Variants in ELOVL6 observed in about 807,000 individuals in gnomAD.
The protein encoded by ELOVL6 is ELOVL fatty acid elongase 6, also known as very long chain fatty acid elongase 6.
Under a neutral mutation model 31.7 loss-of-function variants are expected in ELOVL6, and 8 were observed. That is an observed-to-expected ratio of 0.25 (90% CI 0.15 to 0.45). The LOEUF (loss-of-function observed/expected upper bound fraction) is 0.45. ELOVL6 is among the 20% of genes least tolerant of loss of function. The pLI, the probability that ELOVL6 is intolerant of heterozygous loss-of-function variation, is 1.00. For synonymous variants in ELOVL6, 101 were observed against 117.7 expected, an observed-to-expected ratio of 0.86 and a Z score of 0.92; for missense variants, 126 against 326.4, an observed-to-expected ratio of 0.39 and a Z score of 4.73.
chr4:110,177,335 G>T (rs113363281), intron 1 of ELOVL6, among the ~76,000 whole-genome samples: 72 of 152,230 alleles, frequency 4.7e-4, no homozygotes, highest in African/African-American at 1.5e-3. Context: ...TACTTGGGAG[G>T]CTAAGATAGG....
intron 2 of ELOVL6, among the ~76,000 whole-genome samples, chr4:110,083,801 A>G (rs1438842523): frequency 6.7e-6 from 1 of 150,292 alleles, no homozygotes; most frequent in Non-Finnish European, 1.5e-5. Context: ...AACAATGGGC[A>G]TAAGAGAAGC....
chr4:110,057,621 C>T (rs1376343565), intron 3 of ELOVL6, among the ~76,000 whole-genome samples: 3 of 151,852 alleles, frequency 2.0e-5, no homozygotes, highest in Admixed American at 1.3e-4. Context: ...GAGGCCGAGG[C>T]GGGCTGATTA....
Position 110,084,337 on chromosome 4 carries a change from CATATATG to C in ELOVL6, c.221+21153_221+21159del, listed in dbSNP as rs1412186732. Among the ~76,000 whole-genome samples the C allele has an allele frequency of 2.5e-3, 164 of 64,946 alleles. 19 individuals carry two copies. The highest frequency in any genetic ancestry group is 5.3e-3 in the African/African-American group (51 of 9,634). 42.6% of individuals were successfully genotyped at this position (64,946 alleles called of 152,430 possible). A position where few individuals can be genotyped will look rare whatever the true frequency, so the allele number is the denominator to read the frequency against. ...ACATATATAAATTTGATATATATCACATATATGATATATGATATATACCGCATATATG... is the reference window on the plus strand; with the variant it reads ...ACATATATAAATTTGATATATATCACATATATGATATATACCGCATATATG... On this transcript the variant is annotated intron_variant, in intron 2 of 3. Coordinates refer to ENST00000302274, the MANE Select transcript of ELOVL6 (RefSeq NM_024090.3).
At chr4:110,075,313 C>T (rs185116299) in intron 2 of ELOVL6, among the ~76,000 whole-genome samples, 228 of 152,266 alleles carry the variant, frequency 1.5e-3, no homozygotes, top group African/African-American at 5.3e-3. Context: ...GTTCCTTGTA[C>T]ACACATGCTC....
At chr4:110,097,860 G>A (rs1756630762) in intron 2 of ELOVL6, among the ~76,000 whole-genome samples, 1 of 151,922 alleles carries the variant, frequency 6.6e-6, no homozygotes, top group Middle Eastern at 3.2e-3. Context: ...AGGAGAAGCT[G>A]TAATTTACAA....
At chr4:110,158,573 C>CTATATATATATGTATATATATACATT (rs1560849608) in intron 1 of ELOVL6, among the ~76,000 whole-genome samples, 1 of 130,540 alleles carries the variant, frequency 7.7e-6, no homozygotes, top group Non-Finnish European at 1.6e-5. Context: ...ATATATACAT[C>CTATATATATATGTATATATATACATT]TATATATATA....
chr4:110,158,610 T>C (rs1015212906), intron 1 of ELOVL6, among the ~76,000 whole-genome samples: 1 of 142,644 alleles, frequency 7.0e-6, no homozygotes, highest in Non-Finnish European at 1.5e-5. Flanking sequence ...CACACACATA[T>C]ATATACACAC....
chr4:110,189,616 AGAGAG>A (rs1560864627), intron 1 of ELOVL6, among the ~76,000 whole-genome samples: 2 of 117,314 alleles, frequency 1.7e-5, no homozygotes, highest in Non-Finnish European at 3.5e-5. Context: ...AAAAAAAAAG[AGAGAG>A]AGAGAGAGAA....
chr4:110,058,944 C>T (rs1248221174), intron 3 of ELOVL6, among the ~76,000 whole-genome samples: 2 of 152,162 alleles, frequency 1.3e-5, no homozygotes, highest in Non-Finnish European at 2.9e-5. Context: ...ACTGTGCCCA[C>T]ATTAACTCCT....
At chr4:110,078,784 C>T (rs1755736255) in intron 2 of ELOVL6, among the ~76,000 whole-genome samples, 1 of 152,172 alleles carries the variant, frequency 6.6e-6, no homozygotes. Context: ...AAATTAAAGA[C>T]ACAGACTGGC....
At chr4:110,059,002 ATTCAAGG>A (rs2126221937) in intron 3 of ELOVL6, among the ~76,000 whole-genome samples, 1 of 152,322 alleles carries the variant, frequency 6.6e-6, no homozygotes, top group Non-Finnish European at 1.5e-5. Flanking sequence ...ATTCAAGACC[ATTCAAGG>A]GTTGAGGGAA....
intron 2 of ELOVL6, among the ~76,000 whole-genome samples, chr4:110,083,980 C>CTATATATGATATATATAA: frequency 1.4e-5 from 1 of 71,700 alleles, no homozygotes; most frequent in East Asian, 4.3e-4. Flanking sequence ...ATAACATATG[C>CTATATATGATATATATAA]CATATACGAT....
intron 1 of ELOVL6, among the ~76,000 whole-genome samples, chr4:110,119,327 A>C (rs953859938): frequency 4.6e-5 from 7 of 152,216 alleles, no homozygotes; most frequent in African/African-American, 1.7e-4. Flanking sequence ...AGGTGGTATC[A>C]CATGATAAAG....
intron 1 of ELOVL6, among the ~76,000 whole-genome samples, chr4:110,192,793 T>C (rs1759661769): frequency 6.6e-6 from 1 of 152,238 alleles, no homozygotes; most frequent in Non-Finnish European, 1.5e-5. Context: ...CTTAACCTAG[T>C]ACATATGCCT....
At chr4:110,152,592 T>C (rs1560846976) in intron 1 of ELOVL6, among the ~76,000 whole-genome samples, 1 of 152,298 alleles carries the variant, frequency 6.6e-6, no homozygotes, top group East Asian at 1.9e-4. Context: ...TTTGAACATA[T>C]GAAACACCTG....
At chr4:110,147,753 T>C (rs1758159040) in intron 1 of ELOVL6, among the ~76,000 whole-genome samples, 1 of 150,666 alleles carries the variant, frequency 6.6e-6, no homozygotes, top group Admixed American at 6.6e-5. Flanking sequence ...ACTGAGCCAC[T>C]GCACTGCAGC....
intron 2 of ELOVL6, among the ~76,000 whole-genome samples, chr4:110,078,282 AATTGTCAG>A (rs1459921132): frequency 2.6e-5 from 4 of 152,198 alleles, no homozygotes; most frequent in Non-Finnish European, 5.9e-5. Context: ...CAAGACACAT[AATTGTCAG>A]ATTCACCAAA....
At chr4:110,178,270 G>A (rs749081301) in intron 1 of ELOVL6, among the ~76,000 whole-genome samples, 5 of 152,128 alleles carry the variant, frequency 3.3e-5, no homozygotes, top group African/African-American at 4.8e-5. Flanking sequence ...AAAACGAGCC[G>A]TGCACAGTGG....
chr4:110,180,503 C>T (rs2126277515), intron 1 of ELOVL6, among the ~76,000 whole-genome samples: 1 of 152,306 alleles, frequency 6.6e-6, no homozygotes, highest in East Asian at 1.9e-4. Flanking sequence ...CTGCTTCAGC[C>T]TCCCAAATAG....
Sources: gnomAD v4.1 joint callset for allele counts (sites outside exome capture counted in the v4.1 genomes callset) on GRCh38, gnomAD v4.1.1 for gene constraint, MANE v1.5 for transcripts, NCBI Gene and HGNC (gene_info 2026-07-23, HGNC 2026-07-21) for gene names.